The following ZNF462 variants were observed in gnomAD, a reference collection of about 807,000 sequenced individuals.
ZNF462 encodes zinc finger protein 462.
ZNF462 carries 10 observed loss-of-function variants against 201.9 expected under a neutral mutation model. The observed-to-expected ratio is 0.05, with a 90% CI of 0.03 to 0.08. The LOEUF is 0.08. Ranked by LOEUF, ZNF462 falls within the 10% of genes least tolerant of loss-of-function variation. ZNF462 has a pLI of 1.00. For missense variants in ZNF462, 2,523 were observed against 3,168.3 expected, an observed-to-expected ratio of 0.80 and a Z score of 4.89; for synonymous variants, 1,227 against 1,193.3, an observed-to-expected ratio of 1.03 and a Z score of -0.58.
chr9:106,971,981 G>A, intron 7 of ZNF462, 24 bp from the exon 8 acceptor site: 1 of 1,599,846 alleles, frequency 6.3e-7, no homozygotes, highest in Non-Finnish European at 8.5e-7. Context: ...TGTGCCCCGT[G>A]TCATTTTTCC....
At position 106,933,569 on chromosome 9, in the gene ZNF462, G is replaced by GA. The variant is rs1377665644; in HGVS notation, c.6116+1023dup. On this transcript the variant is annotated intron_variant, in intron 5 of 12. Transcript: ENST00000277225. This position sits in a 1 kb window ranked among gnomAD's most constrained non-coding sequence, Gnocchi z 4.3. ...CCTGTCCTAGGTACTGTACTTTTGG[G>GA]AAATATAAAGACACAGGCCATGGTC... 6.6e-6 allele frequency among the ~76,000 whole-genome samples: 1 copy of GA among 151,962 alleles called. No individual in the cohort carries two copies. Among genetic ancestry groups the GA allele is most frequent in the Non-Finnish European group, 1.5e-5 (1 of 67,976 alleles).
Position 106,974,225 on chromosome 9 carries a change from C to G in ZNF462, c.6784C>G (p.His2262Asp). ...KDLRCPLCLY[H>D]TKYKRNMIDH... ...TCTTCGCTGTCCTCTCTGCCTCTAT[C>G]ACACCAAATACAAGCGCAACATGAT... Residue 2262 changes from histidine (H) to aspartate (D), a missense_variant, in exon 9 of 13, where the codon CAC (histidine) becomes GAC (aspartate). His to Asp is a moderately conservative substitution (Grantham distance 81). This residue lies in a region of ZNF462 where 228 missense variants were observed against 361.2 expected (regional missense o/e 0.63). Coordinates refer to ENST00000277225, the MANE Select transcript of ZNF462 (RefSeq NM_021224.6). This position sits in a 1 kb window ranked among gnomAD's most constrained non-coding sequence, Gnocchi z 4.0. 1.2e-6 allele frequency: 2 copies of G among 1,614,174 alleles called. No homozygotes were observed. The highest frequency in any genetic ancestry group is 1.7e-6 in the Non-Finnish European group (2 of 1,180,028).
rs1333000353 is a variant in ZNF462, at chr9:106,950,266, C to T, written c.6427+11159C>T. Among the ~76,000 whole-genome samples, 2 of 152,174 alleles carry T rather than the reference C, an allele frequency of 1.3e-5. No homozygotes were observed. The highest frequency in any genetic ancestry group is 4.8e-5 in the African/African-American group (2 of 41,440). ...CTTATCCCTATGTAATGTCAGTTTACACCTAAGTATTTCAAGGTATTTTCT... is the reference window on the plus strand; with the variant it reads ...CTTATCCCTATGTAATGTCAGTTTATACCTAAGTATTTCAAGGTATTTTCT... On this transcript the variant is annotated intron_variant, in intron 7 of 12. Coordinates refer to ENST00000277225, the MANE Select transcript of ZNF462 (RefSeq NM_021224.6). The surrounding 1 kb of genome is among the most constrained non-coding windows in gnomAD (Gnocchi z 4.1).
chr9:106,893,394 A>G (rs1285791678), intron 1 of ZNF462, among the ~76,000 whole-genome samples: 1 of 152,222 alleles, frequency 6.6e-6, no homozygotes, highest in Admixed American at 6.5e-5. Context: ...CATGGAAGGA[A>G]ATCACCATCC....
chr9:106,980,111 G>C (rs2132186989), intron 9 of ZNF462, among the ~76,000 whole-genome samples: 1 of 152,234 alleles, frequency 6.6e-6, no homozygotes, highest in South Asian at 2.1e-4. Flanking sequence ...ACCTTTGCCT[G>C]ATAGAATTAG....
Position 106,913,059 on chromosome 9 carries a change from C to T in ZNF462, c.-30-10295C>T, listed in dbSNP as rs1829617815. Among the ~76,000 whole-genome samples the T allele has an allele frequency of 6.6e-6, 1 of 152,188 alleles. No homozygotes were observed. The highest frequency in any genetic ancestry group is 6.5e-5 in the Admixed American group (1 of 15,274). On this transcript the variant is annotated intron_variant, in intron 1 of 12. Transcript: ENST00000277225. This position sits in a 1 kb window ranked among gnomAD's most constrained non-coding sequence, Gnocchi z 4.1. ...GATGACTCCAGGTGTCACATCAGTT[C>T]AGGGTAGCTTAGCGGTGTTATAAAC...
chr9:106,982,986 G>A (rs144668305), intron 9 of ZNF462, among the ~76,000 whole-genome samples: 3 of 152,122 alleles, frequency 2.0e-5, no homozygotes, highest in Admixed American at 6.5e-5. Flanking sequence ...ATACATTGCT[G>A]TTTCTAAATA....
intron 10 of ZNF462, among the ~76,000 whole-genome samples, chr9:106,997,658 A>G (rs1828842305): frequency 6.6e-6 from 1 of 152,122 alleles, no homozygotes. Context: ...CGTAGAGACA[A>G]TACTTTGCTG....
intron 7 of ZNF462, among the ~76,000 whole-genome samples, chr9:106,969,682 G>A (rs1826490147): frequency 1.3e-5 from 2 of 152,192 alleles, no homozygotes; most frequent in Admixed American, 1.3e-4. Flanking sequence ...ATCCAGGGAT[G>A]TGCCTTGTTA....
chr9:107,004,582 A>G (rs1829416610), intron 11 of ZNF462, among the ~76,000 whole-genome samples: 1 of 152,112 alleles, frequency 6.6e-6, no homozygotes, highest in Admixed American at 6.6e-5. Context: ...TGGACTTTTT[A>G]AATTTACTTT....
At chr9:107,007,396 A>T (rs1376211546) in intron 11 of ZNF462, among the ~76,000 whole-genome samples, 2 of 152,212 alleles carry the variant, frequency 1.3e-5, no homozygotes, top group Non-Finnish European at 2.9e-5. Context: ...TTGGCTGGAA[A>T]GAACTTCAGG....
chr9:106,990,190 A>G (rs1206417745), intron 10 of ZNF462, among the ~76,000 whole-genome samples: 1 of 152,118 alleles, frequency 6.6e-6, no homozygotes, highest in Non-Finnish European at 1.5e-5. Context: ...ATGCTCATTC[A>G]GGAGCCAGTT....
rs1011376719 is a variant in ZNF462, at chr9:106,910,362, G to GTT, written c.-30-12969_-30-12968dup. On this transcript the variant is annotated intron_variant, in intron 1 of 12. Transcript: ENST00000277225. ...CTGTCGTCCTCCACCCCTTGTTTTAGTTTTTTTTTTTTTTTTTTTTTTTTA... is the reference window on the plus strand; with the variant it reads ...CTGTCGTCCTCCACCCCTTGTTTTAGTTTTTTTTTTTTTTTTTTTTTTTTTTA... 5.1e-3 allele frequency among the ~76,000 whole-genome samples: 331 copies of GTT among 64,756 alleles called. 3 individuals are homozygous for GTT. Among genetic ancestry groups the GTT allele is most frequent in the African/African-American group, 0.015 (237 of 16,092 alleles). The allele number at this position is 64,756 out of a possible 152,430, so 42.5% of individuals were successfully genotyped here. A position where few individuals can be genotyped will look rare whatever the true frequency, so the allele number is the denominator to read the frequency against.
rs1036429514 is a variant in ZNF462 at position 106,930,423 on chromosome 9, C to T, written c.5848-102C>T. ...TATATCTCCCTTGGTTTTTAACCTG[C>T]TAATCGGCTTTAAAATAAAGTATGT... On this transcript the variant is annotated intron_variant, in intron 3 of 12. Coordinates refer to ENST00000277225, the MANE Select transcript of ZNF462 (RefSeq NM_021224.6). This position sits in a 1 kb window ranked among gnomAD's most constrained non-coding sequence, Gnocchi z 5.8. The T allele has an allele frequency of 4.8e-6, 7 of 1,456,274 alleles. No homozygotes were observed. Among genetic ancestry groups the T allele is most frequent in the Non-Finnish European group, 6.5e-6 (7 of 1,077,262 alleles). 90.2% of individuals were successfully genotyped at this position (1,456,274 alleles called of 1,614,324 possible).
Position 106,872,191 on chromosome 9 carries a change from A to G in ZNF462, c.-31+8836A>G, listed in dbSNP as rs868260904. Among the ~76,000 whole-genome samples, 2 of 152,142 alleles carry G rather than the reference A, an allele frequency of 1.3e-5. No individual in the cohort carries two copies. The highest frequency in any genetic ancestry group is 4.8e-5 in the African/African-American group (2 of 41,430). The stretch of plus-strand genomic sequence containing the variant: ...TGGAGGGTCCTTCGTTTGGGGTACA[A>G]TTTGAATGCTGGGTTATAGCTGAAG... On this transcript the variant is annotated intron_variant, in intron 1 of 12. Transcript: ENST00000277225. The surrounding 1 kb of genome is among the most constrained non-coding windows in gnomAD (Gnocchi z 4.5).
At chr9:106,965,806 A>T (rs6477552) in intron 7 of ZNF462, among the ~76,000 whole-genome samples, 41,941 of 152,018 alleles carry the variant, frequency 0.28, 9,067 homozygotes, top group African/African-American at 0.61. Context: ...GTTTCTGGTC[A>T]CTACAGATTC....
In ZNF462 at chr9:106,927,214, C is replaced by G; in HGVS notation, c.3302C>G (p.Pro1101Arg). 4 of 1,609,368 alleles carry G rather than the reference C, an allele frequency of 2.5e-6. No individual in the cohort carries two copies. The highest frequency in any genetic ancestry group is 3.4e-6 in the Non-Finnish European group (4 of 1,178,280). ...PKMSNMGSPPPPQPPPPDLST... is the reference protein window; with the variant it reads ...PKMSNMGSPPRPQPPPPDLST... ...ATGTCCAACATGGGTTCCCCACCCC[C>G]CCCACAACCCCCGCCACCAGACCTC... is the stretch of plus-strand genomic sequence containing the variant. The change falls in exon 3 of 13, where the codon CCC becomes CGC. Residue 1101 changes from proline to arginine, a missense_variant. Physicochemically the swap from Pro to Arg is moderately radical, Grantham distance 103 (BLOSUM62 -2). Coordinates refer to ENST00000277225, the MANE Select transcript of ZNF462 (RefSeq NM_021224.6).
At position 106,929,649 on chromosome 9, in the gene ZNF462, A is replaced by G. The variant is rs774089640; in HGVS notation, c.5737A>G (p.Ile1913Val). The change falls in exon 3 of 13, where the codon ATT becomes GTT. Residue 1913 changes from isoleucine to valine, a missense_variant. This residue lies in a region of ZNF462 where 107 missense variants were observed against 187.7 expected (regional missense o/e 0.57). Coordinates refer to ENST00000277225, the MANE Select transcript of ZNF462 (RefSeq NM_021224.6). This position sits in a 1 kb window ranked among gnomAD's most constrained non-coding sequence, Gnocchi z 8.7. ...AGCCGAGCTGACCTCACACTTGAAC[A>G]TTCACAATGAGGAATTCCAGAAGCG... ...STAELTSHLN[I>V]HNEEFQKRAK... 3.7e-6 allele frequency: 6 copies of G among 1,614,212 alleles called. No homozygotes were observed. In the South Asian group the frequency reaches 4.4e-5, roughly 12 times the overall value.
At chr9:106,893,008 C>G (rs1828656260) in intron 1 of ZNF462, among the ~76,000 whole-genome samples, 1 of 152,232 alleles carries the variant, frequency 6.6e-6, no homozygotes, top group Admixed American at 6.5e-5. Flanking sequence ...CCTTCTATAT[C>G]TCAGAGCAAA....
Sources: gnomAD v4.1 joint callset for allele counts (sites outside exome capture counted in the v4.1 genomes callset) on GRCh38, gnomAD v4.1.1 for gene constraint, gnomAD v4.1.1 regional missense constraint, Gnocchi (gnomAD v3.1) non-coding constraint, MANE v1.5 for transcripts, NCBI Gene and HGNC (gene_info 2026-07-23, HGNC 2026-07-21) for gene names.